GALNT18: variants seen among roughly 807,000 people sequenced by gnomAD.
GALNT18 encodes GalNAc-transferase 18.
In GALNT18, 44 loss-of-function variants were observed where a neutral mutation model predicts 69.5. The ratio of observed to expected loss-of-function variants is 0.63; its 90% CI spans 0.50 to 0.81. GALNT18 has a LOEUF of 0.81. Among genes scored for constraint, GALNT18 ranks in the 40% least tolerant of loss-of-function variants. The pLI, the probability that GALNT18 is intolerant of heterozygous loss-of-function variation, is 0.00. For synonymous variants in GALNT18, 364 were observed against 318.2 expected, an observed-to-expected ratio of 1.14 and a Z score of -1.53; for missense variants, 715 against 810.0, an observed-to-expected ratio of 0.88 and a Z score of 1.42.
chr11:11,343,461 C>T (rs566225203), intron 6 of GALNT18, among the ~76,000 whole-genome samples: 13 of 152,290 alleles, frequency 8.5e-5, no homozygotes, highest in East Asian at 1.9e-4. Context: ...AGAAACTCAA[C>T]GAAGAGCCAA....
chr11:11,466,054 C>T (rs1039496769), intron 1 of GALNT18, among the ~76,000 whole-genome samples: 2 of 152,062 alleles, frequency 1.3e-5, no homozygotes, highest in African/African-American at 4.8e-5. Flanking sequence ...TGCATTTCAC[C>T]CATTATACGC....
In GALNT18 at chr11:11,614,799, A is replaced by G. The variant is rs1254942174; in HGVS notation, c.235+6560T>C. Among the ~76,000 whole-genome samples the G allele has an allele frequency of 6.6e-6, 1 of 152,214 alleles. No individual in the cohort carries two copies. Among genetic ancestry groups the G allele is most frequent in the Non-Finnish European group, 1.5e-5 (1 of 68,040 alleles). ...CACTTTTCATTCTGAATTCTCCTTG[A>G]GATTCTCCACCAACCTACTTATCAA... On this transcript the variant is annotated intron_variant, in intron 1 of 10. Coordinates refer to ENST00000227756, the MANE Select transcript of GALNT18 (RefSeq NM_198516.3). The surrounding 1 kb of genome is among the most constrained non-coding windows in gnomAD (Gnocchi z 5.6).
chr11:11,361,292 A>G (rs530584071), intron 6 of GALNT18, among the ~76,000 whole-genome samples: 1 of 152,218 alleles, frequency 6.6e-6, no homozygotes, highest in African/African-American at 2.4e-5. Flanking sequence ...CTTGGGTTCA[A>G]ATCGCATCTT....
chr11:11,539,841 A>C (rs1000979174), intron 1 of GALNT18, among the ~76,000 whole-genome samples: 1 of 152,248 alleles, frequency 6.6e-6, no homozygotes, highest in African/African-American at 2.4e-5. Context: ...TGTCAAAAGC[A>C]GATCGATCAG....
At chr11:11,450,639 C>T (rs994915182) in intron 1 of GALNT18, among the ~76,000 whole-genome samples, 3 of 152,164 alleles carry the variant, frequency 2.0e-5, no homozygotes, top group Non-Finnish European at 4.4e-5. Flanking sequence ...CATTAAGGTA[C>T]CTCTCCGGGC....
chr11:11,458,185 T>A (rs1427121148), intron 1 of GALNT18, among the ~76,000 whole-genome samples: 1 of 152,176 alleles, frequency 6.6e-6, no homozygotes, highest in Non-Finnish European at 1.5e-5. Context: ...ACTTGTGAGA[T>A]GGAAACCGAC....
intron 1 of GALNT18, among the ~76,000 whole-genome samples, chr11:11,549,521 C>T (rs1277268839): frequency 1.3e-5 from 2 of 152,212 alleles, no homozygotes; most frequent in Non-Finnish European, 2.9e-5. Context: ...GAATAATTGG[C>T]CCCAGTCCTT....
In GALNT18 at chr11:11,621,318, C is replaced by T. The variant is rs1285148709; in HGVS notation, c.235+41G>A. On this transcript the variant is annotated intron_variant, in intron 1 of 10. Transcript: ENST00000227756. This position sits in a 1 kb window ranked among gnomAD's most constrained non-coding sequence, Gnocchi z 9.3. Reference sequence around the variant, plus strand: ...GCACCCCGCGCCGCGCGGGGCACTCCCGGGCCTCATGGGCGACCCAAGTTT... The same window carrying T: ...GCACCCCGCGCCGCGCGGGGCACTCTCGGGCCTCATGGGCGACCCAAGTTT... The T allele has an allele frequency of 6.4e-7, 1 of 1,572,420 alleles. No individual in the cohort carries two copies. Among genetic ancestry groups the T allele is most frequent in the Admixed American group, 1.7e-5 (1 of 59,566 alleles).
intron 1 of GALNT18, among the ~76,000 whole-genome samples, chr11:11,577,108 G>A (rs1284832338): frequency 1.3e-5 from 2 of 152,226 alleles, no homozygotes; most frequent in Non-Finnish European, 2.9e-5. Flanking sequence ...TCTGTGAAAG[G>A]GGGATGATGA....
chr11:11,338,779 C>T lies in GALNT18; in HGVS notation c.1278+2040G>A, dbSNP rs370992350. 4.6e-5 allele frequency among the ~76,000 whole-genome samples: 7 copies of T among 151,916 alleles called. No individual in the cohort carries two copies. The East Asian group carries it at 9.7e-4, about 21-fold the overall frequency. On this transcript the variant is annotated intron_variant, in intron 7 of 10. Transcript: ENST00000227756. This position sits in a 1 kb window ranked among gnomAD's most constrained non-coding sequence, Gnocchi z 5.3. ...GTAGATGATATTACCCAGGGAGATGCGGAATAATGAGAGCAGTCTGCCAAG... is the reference window on the plus strand; with the variant it reads ...GTAGATGATATTACCCAGGGAGATGTGGAATAATGAGAGCAGTCTGCCAAG...
At chr11:11,576,397 C>T (rs760498711) in intron 1 of GALNT18, among the ~76,000 whole-genome samples, 1 of 152,184 alleles carries the variant, frequency 6.6e-6, no homozygotes, top group Non-Finnish European at 1.5e-5. Flanking sequence ...AAGAGATCAG[C>T]CACAAGATGT....
rs767924846 is a variant in GALNT18, at chr11:11,379,138, G to A, written c.722C>T (p.Ala241Val). 45 of 1,611,054 alleles carry A rather than the reference G, an allele frequency of 2.8e-5. No individual in the cohort carries two copies. The highest frequency in any genetic ancestry group is 1.1e-4 in the African/African-American group (8 of 74,858). The change falls in exon 4 of 11, where the codon GCG becomes GTG. Residue 241 changes from alanine to valine, a missense_variant. Transcript: ENST00000227756. The stretch of plus-strand genomic sequence containing the variant: ...GAGTGCCACCACAGGGGCAGTGGCC[G>A]CCCTCCAGCCACTGACCCTGGAGCG... The part of the protein sequence containing the change: ...LIRSRVSGWR[A>V]ATAPVVALFD...
At chr11:11,352,414 G>C (rs1474657029) in intron 6 of GALNT18, 1 of 1,613,982 alleles carries the variant, frequency 6.2e-7, no homozygotes, top group Non-Finnish European at 8.5e-7. Context: ...TAATTGTCAC[G>C]TCCATGGAAA....
chr11:11,353,532 T>G (rs1453512416), intron 6 of GALNT18, among the ~76,000 whole-genome samples: 1 of 152,226 alleles, frequency 6.6e-6, no homozygotes, highest in Non-Finnish European at 1.5e-5. Flanking sequence ...CTTTCCTATA[T>G]GAAGATGAAC....
chr11:11,332,906 A>T lies in GALNT18; in HGVS notation c.1279-75T>A. On this transcript the variant is annotated intron_variant, in intron 7 of 10. Coordinates refer to ENST00000227756, the MANE Select transcript of GALNT18 (RefSeq NM_198516.3). The surrounding 1 kb of genome is among the most constrained non-coding windows in gnomAD (Gnocchi z 4.3). Reference sequence around the variant, plus strand: ...TCTCCCCAAACTCTACTTTGGCATGACCTTGTGCCCCCAACAAGATTCCTA... The same window carrying T: ...TCTCCCCAAACTCTACTTTGGCATGTCCTTGTGCCCCCAACAAGATTCCTA... 6.5e-7 allele frequency: 1 copy of T among 1,536,122 alleles called. No individual in the cohort carries two copies. The highest frequency in any genetic ancestry group is 8.9e-7 in the Non-Finnish European group (1 of 1,124,306).
rs773281565 is a variant in GALNT18 at position 11,377,140 on chromosome 11, G to A, written c.977+42C>T. The A allele has an allele frequency of 1.3e-5, 21 of 1,578,338 alleles. No individual in the cohort carries two copies. The highest frequency in any genetic ancestry group is 1.7e-5 in the Non-Finnish European group (19 of 1,150,386). On this transcript the variant is annotated intron_variant, in intron 5 of 10. Transcript: ENST00000227756. The surrounding 1 kb of genome is among the most constrained non-coding windows in gnomAD (Gnocchi z 4.6). ...GGACCAGTAGGCGGTCCCTAGCCTG[G>A]AGGTCAAAGCGGAGAGACCCACAGG...
chr11:11,390,420 T>G (rs958791170), intron 3 of GALNT18, among the ~76,000 whole-genome samples: 1 of 152,128 alleles, frequency 6.6e-6, no homozygotes, highest in Admixed American at 6.5e-5. Context: ...CTAGAAAACA[T>G]ACACCAGGCA....
rs1483628253 is a variant in GALNT18, at chr11:11,314,880, T to C, written c.1512+12206A>G. Reference sequence around the variant, plus strand: ...GACATAGTAAAACCTACAATCATGTTCTAGGACTTATGGCCTACACACTCA... The same window carrying C: ...GACATAGTAAAACCTACAATCATGTCCTAGGACTTATGGCCTACACACTCA... On this transcript the variant is annotated intron_variant, in intron 9 of 10. Coordinates refer to ENST00000227756, the MANE Select transcript of GALNT18 (RefSeq NM_198516.3). This position sits in a 1 kb window ranked among gnomAD's most constrained non-coding sequence, Gnocchi z 5.2. 6.6e-6 allele frequency among the ~76,000 whole-genome samples: 1 copy of C among 152,192 alleles called. No individual in the cohort carries two copies. Among genetic ancestry groups the C allele is most frequent in the Non-Finnish European group, 1.5e-5 (1 of 68,032 alleles).
rs545248964 is a variant in GALNT18, at chr11:11,454,778, C to G, written c.236-5842G>C. ...GGTGTCCTCAAAGCTCTGGCAGACACGTTGATACCCATCTTCCCTCCTGAG... is the reference window on the plus strand; with the variant it reads ...GGTGTCCTCAAAGCTCTGGCAGACAGGTTGATACCCATCTTCCCTCCTGAG... On this transcript the variant is annotated intron_variant, in intron 1 of 10. Coordinates refer to ENST00000227756, the MANE Select transcript of GALNT18 (RefSeq NM_198516.3). The surrounding 1 kb of genome is among the most constrained non-coding windows in gnomAD (Gnocchi z 4.2). Among the ~76,000 whole-genome samples the G allele has an allele frequency of 6.5e-4, 99 of 152,224 alleles. No homozygotes were observed. Among genetic ancestry groups the G allele is most frequent in the African/African-American group, 2.3e-3 (96 of 41,528 alleles).
Sources: allele counts gnomAD v4.1 joint callset (sites outside exome capture counted in the v4.1 genomes callset), GRCh38; gene constraint gnomAD v4.1.1; non-coding constraint Gnocchi (gnomAD v3.1); transcripts MANE v1.5; gene names NCBI Gene and HGNC (gene_info 2026-07-23, HGNC 2026-07-21).